The following KLHL32 variants were observed in gnomAD, a reference collection of about 807,000 sequenced individuals.
KLHL32 encodes kelch like family member 32.
A neutral mutation model predicts 64.8 loss-of-function variants in KLHL32; 35 were observed. The ratio of observed to expected loss-of-function variants is 0.54; its 90% CI spans 0.41 to 0.72. KLHL32 has a LOEUF of 0.72. Ranked by LOEUF, KLHL32 falls within the 30% of genes least tolerant of loss-of-function variation. KLHL32 has a pLI of 0.00. For missense variants in KLHL32, 589 were observed against 768.5 expected, an observed-to-expected ratio of 0.77 and a Z score of 2.76; for synonymous variants, 259 against 281.0, an observed-to-expected ratio of 0.92 and a Z score of 0.78.
intron 1 of KLHL32, among the ~76,000 whole-genome samples, chr6:96,932,174 A>G (rs1460387379): frequency 2.0e-5 from 3 of 149,398 alleles, no homozygotes; most frequent in Non-Finnish European, 4.4e-5. Flanking sequence ...TCCTAGCCTG[A>G]TGTCCTTGAG....
chr6:97,055,818 A>AAAAC (rs1787763871), intron 4 of KLHL32, among the ~76,000 whole-genome samples: 1 of 144,142 alleles, frequency 6.9e-6, no homozygotes, highest in African/African-American at 2.6e-5. Flanking sequence ...AAAAAAAAAA[A>AAAAC]AAAACCCCTT....
chr6:97,115,501 A>G (rs1050310492), intron 7 of KLHL32, among the ~76,000 whole-genome samples: 6 of 152,148 alleles, frequency 3.9e-5, no homozygotes, highest in African/African-American at 1.4e-4. Flanking sequence ...AATGAACCCC[A>G]TGTACCCACA....
chr6:96,945,984 T>C (rs1056408917), intron 1 of KLHL32, among the ~76,000 whole-genome samples: 2 of 152,142 alleles, frequency 1.3e-5, no homozygotes, highest in African/African-American at 4.8e-5. Flanking sequence ...GTGTGGGGTA[T>C]AAGGCCAGAC....
At chr6:97,022,302 A>G (rs571251620) in intron 3 of KLHL32, among the ~76,000 whole-genome samples, 1 of 150,628 alleles carries the variant, frequency 6.6e-6, no homozygotes, top group East Asian at 1.9e-4. Context: ...CCTTCTTGCT[A>G]TTCCCTCAGA....
At chr6:97,022,671 T>G (rs1375585031) in intron 3 of KLHL32, among the ~76,000 whole-genome samples, 5 of 151,966 alleles carry the variant, frequency 3.3e-5, no homozygotes, top group Admixed American at 6.5e-5. Flanking sequence ...GGTTTCATCA[T>G]GTTGGCCAGG....
At chr6:97,069,410 T>C (rs956141154) in intron 5 of KLHL32, among the ~76,000 whole-genome samples, 1 of 151,882 alleles carries the variant, frequency 6.6e-6, no homozygotes, top group Non-Finnish European at 1.5e-5. Context: ...CTTTTTTTTT[T>C]TTTTTTTGTA....
At chr6:97,095,122 TG>T (rs1794794202) in intron 6 of KLHL32, among the ~76,000 whole-genome samples, 1 of 152,152 alleles carries the variant, frequency 6.6e-6, no homozygotes, top group Admixed American at 6.5e-5. Flanking sequence ...CCAATCACAA[TG>T]GAAAATTACT....
intron 10 of KLHL32, among the ~76,000 whole-genome samples, chr6:97,134,361 C>T (rs1019562012): frequency 2.2e-4 from 33 of 152,306 alleles, no homozygotes; most frequent in African/African-American, 7.7e-4. Flanking sequence ...GGAAAGCTGC[C>T]TTGGACTAGA....
chr6:96,988,981 C>T (rs1777503878), intron 3 of KLHL32, among the ~76,000 whole-genome samples: 1 of 152,102 alleles, frequency 6.6e-6, no homozygotes, highest in Admixed American at 6.5e-5. Flanking sequence ...GGAGGGATAG[C>T]ATTAGGAGAT....
intron 4 of KLHL32, among the ~76,000 whole-genome samples, chr6:97,050,877 T>C (rs1766450): frequency 0.18 from 27,543 of 151,728 alleles, 3,032 homozygotes; most frequent in African/African-American, 0.32. Flanking sequence ...GCGGTGGACA[T>C]CTGTAATCCC....
rs752121578 is a variant in KLHL32, at chr6:97,114,388, G to T, written c.1233G>T (p.Gln411His). The change falls in exon 7 of 11, where the codon CAG becomes CAT. Residue 411 changes from glutamine (Q) to histidine (H), a missense_variant. Transcript: ENST00000369261. ...YAVGGRNELR[Q>H]VLPTVERYCP... ...TTGGGGGCAGAAATGAACTGCGCCA[G>T]GTTCTGCCTACAGTTGAGCGATATT... The T allele has an allele frequency of 1.2e-6, 2 of 1,614,108 alleles. No homozygotes were observed. The highest frequency in any genetic ancestry group is 8.5e-7 in the Non-Finnish European group (1 of 1,180,048).
At chr6:96,949,827 AT>A in intron 1 of KLHL32, among the ~76,000 whole-genome samples, 1 of 152,180 alleles carries the variant, frequency 6.6e-6, no homozygotes, top group Non-Finnish European at 1.5e-5. Flanking sequence ...AGGAAGGGAA[AT>A]TCAGTAGGTA....
intron 3 of KLHL32, among the ~76,000 whole-genome samples, chr6:97,007,332 C>T (rs1010493955): frequency 1.3e-5 from 2 of 152,152 alleles, no homozygotes; most frequent in Non-Finnish European, 2.9e-5. Flanking sequence ...GTGAGCTTTT[C>T]AGCTTTACCA....
At chr6:97,070,734 T>G (rs1445949894) in intron 5 of KLHL32, among the ~76,000 whole-genome samples, 3 of 152,194 alleles carry the variant, frequency 2.0e-5, no homozygotes, top group African/African-American at 7.2e-5. Context: ...TTAAAATCAC[T>G]TTCAGTATGC....
chr6:97,071,673 C>T (rs558715351), intron 5 of KLHL32, among the ~76,000 whole-genome samples: 4 of 152,300 alleles, frequency 2.6e-5, no homozygotes, highest in African/African-American at 9.6e-5. Context: ...TCTTTCTAGT[C>T]ACTCAAACCT....
chr6:97,025,255 G>A (rs527719510), intron 3 of KLHL32: 5 of 432,418 alleles, frequency 1.2e-5, no homozygotes, highest in Non-Finnish European at 1.5e-5. Flanking sequence ...TGATCCAGCT[G>A]CTTGTTGAAT....
rs561161382 is a variant in KLHL32 at position 97,139,417 on chromosome 6, A to G, written c.*135A>G. 6 of 748,714 alleles carry G rather than the reference A, an allele frequency of 8.0e-6. No homozygotes were observed. In the East Asian group the frequency reaches 1.6e-4, roughly 20 times the overall value. 46.4% of individuals were successfully genotyped at this position (748,714 alleles called of 1,614,324 possible). ...TTCGGATAAATTTAAGCAAAAAATG[A>G]ACAATTTTCTAAAATACGTTATTGA... On this transcript the variant is annotated 3_prime_UTR_variant, in exon 11 of 11. Transcript: ENST00000369261.
Position 97,114,317 on chromosome 6 carries a change from C to T in KLHL32, c.1162C>T (p.Arg388Trp), listed in dbSNP as rs772220792. ...WAEIAPMKNCREHFVLGAMEE... is the reference protein window; with the variant it reads ...WAEIAPMKNCWEHFVLGAMEE... ...AGAGATAGCACCCATGAAAAACTGC[C>T]GGGAGCATTTTGTGCTGGGTGCCAT... Residue 388 changes from arginine to tryptophan, a missense_variant, in exon 7 of 11, where the codon CGG (arginine) becomes TGG (tryptophan). Arg to Trp is a moderately radical substitution (Grantham distance 101, BLOSUM62 -3). Around this residue, in one of 3 missense-constraint regions of KLHL32, gnomAD observed 226 missense variants for 353.2 expected, o/e 0.64. Coordinates refer to ENST00000369261, the MANE Select transcript of KLHL32 (RefSeq NM_052904.4). 1.5e-5 allele frequency: 24 copies of T among 1,613,968 alleles called. No individual in the cohort carries two copies. Among genetic ancestry groups the T allele is most frequent in the Non-Finnish European group, 1.5e-5 (18 of 1,180,018 alleles).
chr6:96,899,319 C>T, the KLHL32 span, among the ~76,000 whole-genome samples: 2 of 152,236 alleles, frequency 1.3e-5, no homozygotes, highest in African/African-American at 4.8e-5. Context: ...TTTTTAGGCA[C>T]GGTATTTCTA....
Sources: gnomAD v4.1 joint callset for allele counts (sites outside exome capture counted in the v4.1 genomes callset) on GRCh38, gnomAD v4.1.1 for gene constraint, gnomAD v4.1.1 regional missense constraint, MANE v1.5 for transcripts, NCBI Gene and HGNC (gene_info 2026-07-23, HGNC 2026-07-21) for gene names.